Variants in PLA2G4A observed in about 807,000 individuals in gnomAD.
PLA2G4A encodes cytosolic phospholipase A2.
A neutral mutation model predicts 81.9 loss-of-function variants in PLA2G4A; 40 were observed. The ratio of observed to expected loss-of-function variants is 0.49; its 90% CI spans 0.38 to 0.64. The LOEUF (loss-of-function observed/expected upper bound fraction) is 0.64. PLA2G4A is among the 30% of genes least tolerant of loss of function. PLA2G4A has a pLI of 0.00. For missense variants in PLA2G4A, 715 were observed against 905.1 expected (o/e 0.79, Z 2.69); for synonymous variants, 302 against 296.9 (o/e 1.02, Z -0.18).
chr1:186,840,285 C>T (rs1213560429), intron 1 of PLA2G4A, among the ~76,000 whole-genome samples: 1 of 152,136 alleles, frequency 6.6e-6, no homozygotes, highest in East Asian at 1.9e-4. Flanking sequence ...AGTCTACTCC[C>T]TTCAAGTGCA....
intron 2 of PLA2G4A, among the ~76,000 whole-genome samples, chr1:186,859,390 G>C (rs1380895639): frequency 1.3e-5 from 2 of 151,800 alleles, no homozygotes; most frequent in African/African-American, 4.8e-5. Context: ...TTATTTTTTT[G>C]ACCAGGAGCC....
chr1:186,891,188 G>T (rs1654124402), intron 3 of PLA2G4A, among the ~76,000 whole-genome samples: 1 of 151,810 alleles, frequency 6.6e-6, no homozygotes, highest in African/African-American at 2.4e-5. Flanking sequence ...TACATAGTAG[G>T]TGTATATATT....
chr1:186,839,815 AAAATTTTACATG>A (rs934272686), intron 1 of PLA2G4A, among the ~76,000 whole-genome samples: 1 of 152,076 alleles, frequency 6.6e-6, no homozygotes, highest in Non-Finnish European at 1.5e-5. Flanking sequence ...TCTCTCCTCA[AAAATTTTACATG>A]AAACTTTGGA....
At chr1:186,866,988 A>G (rs1653057158) in intron 2 of PLA2G4A, among the ~76,000 whole-genome samples, 1 of 152,110 alleles carries the variant, frequency 6.6e-6, no homozygotes. Context: ...CTCCTTTGTC[A>G]AAGATCAGTT....
At chr1:186,941,983 G>T (rs973385640) in intron 10 of PLA2G4A, among the ~76,000 whole-genome samples, 7 of 152,110 alleles carry the variant, frequency 4.6e-5, no homozygotes, top group African/African-American at 1.7e-4. Context: ...TAAGTTTCCA[G>T]TACATTTTAA....
chr1:186,945,541 G>T (rs1255520697), intron 10 of PLA2G4A, among the ~76,000 whole-genome samples: 2 of 152,240 alleles, frequency 1.3e-5, no homozygotes, highest in East Asian at 3.9e-4. Flanking sequence ...ACAGCAATTT[G>T]TATCAGTACG....
Position 186,988,431 on chromosome 1 carries a change from C to T in PLA2G4A, c.2173C>T (p.Arg725Cys), listed in dbSNP as rs768502831. ...SIEYRRQNPS[R>C]CSVSLSNVEA... ...TGAATATAGAAGACAGAATCCATCTCGTTGCTCTGTTTCCCTTAGTAATGT... is the reference window on the plus strand; with the variant it reads ...TGAATATAGAAGACAGAATCCATCTTGTTGCTCTGTTTCCCTTAGTAATGT... The change falls in exon 18 of 18, where the codon CGT becomes TGT. Residue 725 changes from arginine to cysteine, a missense_variant. Arg to Cys is a radical substitution (Grantham distance 180, BLOSUM62 -3). Coordinates refer to ENST00000367466, the MANE Select transcript of PLA2G4A (RefSeq NM_024420.3). 33 of 1,610,246 alleles carry T rather than the reference C, an allele frequency of 2.0e-5. No homozygotes were observed. Among genetic ancestry groups the T allele is most frequent in the Middle Eastern group, 3.3e-4 (2 of 6,074 alleles).
At chr1:186,949,526 C>T (rs1448449549) in intron 12 of PLA2G4A, among the ~76,000 whole-genome samples, 2 of 152,062 alleles carry the variant, frequency 1.3e-5, no homozygotes, top group Non-Finnish European at 2.9e-5. Context: ...CTTAACATCT[C>T]CCACACCTCT....
rs1409718435 is a variant in PLA2G4A at position 186,977,733 on chromosome 1, A to C, written c.1905A>C (p.Pro635=). Residue 635 remains proline (P), a synonymous_variant, in exon 16 of 18, where the codon CCA becomes CCC. Coordinates refer to ENST00000367466, the MANE Select transcript of PLA2G4A (RefSeq NM_024420.3). Reference sequence around the variant, plus strand: ...ATCCTGATATGGAGAAAGATTGCCCAACCATCATCCACTTTGTTCTGGCCA... The same window carrying C: ...ATCCTGATATGGAGAAAGATTGCCCCACCATCATCCACTTTGTTCTGGCCA... ...PKNPDMEKDC[P]TIIHFVLANI... 1 of 1,613,838 alleles carries C rather than the reference A, an allele frequency of 6.2e-7. No homozygotes were observed. Among genetic ancestry groups the C allele is most frequent in the Admixed American group, 1.7e-5 (1 of 60,004 alleles).
chr1:186,948,036 T>C (rs758862960), intron 12 of PLA2G4A, among the ~76,000 whole-genome samples: 2 of 152,186 alleles, frequency 1.3e-5, no homozygotes, highest in African/African-American at 4.8e-5. Flanking sequence ...GAACATTAAG[T>C]TGGCTTATAA....
chr1:186,830,974 C>A (rs1651552294), intron 1 of PLA2G4A, among the ~76,000 whole-genome samples: 1 of 137,050 alleles, frequency 7.3e-6, no homozygotes, highest in African/African-American at 3.1e-5. Context: ...TTCTTTCTTT[C>A]TTTCTTTCTT....
chr1:186,944,258 G>C (rs1045155617), intron 10 of PLA2G4A, among the ~76,000 whole-genome samples: 1 of 152,234 alleles, frequency 6.6e-6, no homozygotes, highest in Non-Finnish European at 1.5e-5. Context: ...GGAGTCAAAA[G>C]GTAGAGTCAC....
At chr1:186,976,713 C>G (rs1380946040) in intron 15 of PLA2G4A, among the ~76,000 whole-genome samples, 1 of 152,164 alleles carries the variant, frequency 6.6e-6, no homozygotes, top group African/African-American at 2.4e-5. Context: ...AATGAGGTCT[C>G]TTCACTGCAT....
At chr1:186,942,224 C>T (rs762621072) in intron 10 of PLA2G4A, among the ~76,000 whole-genome samples, 7 of 152,056 alleles carry the variant, frequency 4.6e-5, no homozygotes, top group Admixed American at 2.0e-4. Flanking sequence ...GAAAAGTAAG[C>T]GCCATAATGA....
At chr1:186,836,153 A>G (rs184683112) in intron 1 of PLA2G4A, among the ~76,000 whole-genome samples, 17 of 151,846 alleles carry the variant, frequency 1.1e-4, no homozygotes, top group African/African-American at 3.6e-4. Flanking sequence ...TTATGTATTA[A>G]TAAGTATTAA....
rs374673337 is a variant in PLA2G4A, at chr1:186,956,139, T to C, written c.1374T>C (p.Ser458=). The change falls in exon 14 of 18, where the codon AGT becomes AGC. Residue 458 remains serine, a synonymous_variant. Transcript: ENST00000367466. The part of the protein sequence containing the change: ...ENEDAGSDYQ[S]DNQASWIHRM... ...AAGATGCTGGAAGTGACTATCAAAG[T>C]GATAATCAAGCAAGTTGGATTCATC... is the stretch of plus-strand genomic sequence containing the variant. The C allele has an allele frequency of 2.9e-5, 47 of 1,613,154 alleles. No individual in the cohort carries two copies. Among genetic ancestry groups the C allele is most frequent in the Non-Finnish European group, 3.9e-5 (46 of 1,179,198 alleles).
intron 3 of PLA2G4A, among the ~76,000 whole-genome samples, chr1:186,889,494 C>T (rs746582458): frequency 2.0e-5 from 3 of 152,198 alleles, no homozygotes; most frequent in Non-Finnish European, 2.9e-5. Flanking sequence ...AAATTAAAGG[C>T]AGCCTCAAAG....
chr1:186,830,957 G>GCTTGCTTGCTTGCTTT (rs1491468816), intron 1 of PLA2G4A, among the ~76,000 whole-genome samples: 9 of 82,710 alleles, frequency 1.1e-4, no homozygotes, highest in African/African-American at 3.6e-4. Context: ...TTGCTTGCTT[G>GCTTGCTTGCTTGCTTT]CTTTCTTTCT....
At chr1:186,925,627 A>T (rs1376049686) in intron 7 of PLA2G4A, among the ~76,000 whole-genome samples, 1 of 150,668 alleles carries the variant, frequency 6.6e-6, no homozygotes. Flanking sequence ...TTTAACTAAC[A>T]CTCTCCCATC....
Sources: allele counts gnomAD v4.1 joint callset (sites outside exome capture counted in the v4.1 genomes callset), GRCh38; gene constraint gnomAD v4.1.1; transcripts MANE v1.5; gene names NCBI Gene and HGNC (gene_info 2026-07-23, HGNC 2026-07-21).